The following KIFC3 variants were observed in gnomAD, a reference collection of about 807,000 sequenced individuals.
KIFC3 encodes the protein kinesin-like protein KIFC3.
Under a neutral mutation model 101.8 loss-of-function variants are expected in KIFC3, and 60 were observed. The ratio of observed to expected loss-of-function variants is 0.59; its 90% confidence interval spans 0.48 to 0.73. The LOEUF (loss-of-function observed/expected upper bound fraction) is 0.73, where lower values mean the gene tolerates loss of function less well. Among genes scored for constraint, KIFC3 ranks in the 30% least tolerant of loss-of-function variants. The pLI is 0.00. For synonymous variants in KIFC3, 476 were observed against 482.7 expected (o/e 0.99, Z 0.18); for missense variants, 966 against 1,137.1 (o/e 0.85, Z 2.16).
chr16:57,802,694 T>A, upstream of KIFC3: 1 of 847,342 alleles, frequency 1.2e-6, no homozygotes, highest in South Asian at 1.8e-5. The surrounding 1 kb of genome is among the most constrained non-coding windows in gnomAD (Gnocchi z 5.0). Flanking sequence ...TCCCACTCGG[T>A]CTCTCCCGCC....
At chr16:57,832,415 C>T (rs1171794354) in intron 1 of KIFC3, among the ~76,000 whole-genome samples, 1 of 149,566 alleles carries the variant, frequency 6.7e-6, no homozygotes, top group Admixed American at 6.7e-5. Context: ...TCTCTACCTC[C>T]CAGGTTCAAG....
intron 3 of KIFC3, among the ~76,000 whole-genome samples, chr16:57,791,948 G>A (rs1377169755): frequency 3.9e-5 from 6 of 152,172 alleles, no homozygotes; most frequent in Non-Finnish European, 7.3e-5. Context: ...CGAAACACAA[G>A]ACTGTCCCTG....
In KIFC3 at chr16:57,818,014, C is replaced by CT. The variant is rs112869689; in HGVS notation, c.109-19733dup. Among the ~76,000 whole-genome samples the CT allele has an allele frequency of 3.8e-3, 554 of 147,466 alleles. 2 individuals are homozygous for CT. The highest frequency in any genetic ancestry group is 6.7e-3 in the African/African-American group (272 of 40,722). On this transcript the variant is annotated intron_variant, in intron 1 of 2. Transcript: ENST00000563028. ...GGCCATTGTCACATTTTCTTTCTTT[C>CT]TTTTTTTTTTTTTTTGTTCTTTTCT... is the stretch of plus-strand genomic sequence containing the variant.
intron 1 of KIFC3, among the ~76,000 whole-genome samples, chr16:57,823,113 C>T (rs748938569): frequency 2.0e-4 from 30 of 152,172 alleles, no homozygotes; most frequent in Non-Finnish European, 4.0e-4. Context: ...GCATTAACAT[C>T]AACACAGACC....
At chr16:57,811,296 T>C (rs2055067000) in intron 1 of KIFC3, among the ~76,000 whole-genome samples, 1 of 152,256 alleles carries the variant, frequency 6.6e-6, no homozygotes, top group Non-Finnish European at 1.5e-5. Flanking sequence ...TGTACAACTC[T>C]GTAAATATAC....
chr16:57,818,734 C>T (rs782774931), intron 1 of KIFC3, among the ~76,000 whole-genome samples: 7 of 152,162 alleles, frequency 4.6e-5, no homozygotes, highest in Non-Finnish European at 8.8e-5. Context: ...CTCGTGGGAA[C>T]GTTCCAAGGC....
At chr16:57,764,854 A>C (rs1555601279) in intron 11 of KIFC3, among the ~76,000 whole-genome samples, 3 of 42,348 alleles carry the variant, frequency 7.1e-5, no homozygotes, top group South Asian at 1.4e-3. Flanking sequence ...TGATGGTGGG[A>C]GGGGCCTGAA....
intron 1 of KIFC3, chr16:57,816,218 A>C: frequency 1.6e-6 from 2 of 1,287,450 alleles, no homozygotes; most frequent in Non-Finnish European, 1.0e-6. Flanking sequence ...CCCCATTCAC[A>C]GGTGAGAAAA....
intron 3 of KIFC3, among the ~76,000 whole-genome samples, chr16:57,773,309 C>T (rs1327311435): frequency 3.3e-5 from 5 of 152,174 alleles, no homozygotes; most frequent in Non-Finnish European, 5.9e-5. Context: ...AGGGGACAGC[C>T]AGGTAAGGCA....
chr16:57,775,201 A>G, intron 3 of KIFC3: 2 of 1,339,378 alleles, frequency 1.5e-6, no homozygotes, highest in Non-Finnish European at 1.9e-6. Flanking sequence ...CCGCAACCGC[A>G]ACCAGGGCAG....
intron 1 of KIFC3, among the ~76,000 whole-genome samples, chr16:57,826,475 G>A (rs1555630811): frequency 2.0e-5 from 3 of 152,054 alleles, no homozygotes; most frequent in Non-Finnish European, 4.4e-5. Context: ...GTTTTTAAAT[G>A]TTTAAATTTA....
chr16:57,796,092 C>T (rs2054298392), intron 2 of KIFC3, among the ~76,000 whole-genome samples: 1 of 151,972 alleles, frequency 6.6e-6, no homozygotes, highest in African/African-American at 2.4e-5. Context: ...AGAGTTTCAC[C>T]ATGTTGGCCA....
At chr16:57,779,841 A>C (rs10775338) in intron 3 of KIFC3, 1 of 152,098 alleles carries the variant, frequency 6.6e-6, no homozygotes, top group African/African-American at 2.4e-5. Flanking sequence ...AAATAAATAA[A>C]TAGATAGATA....
At chr16:57,765,892 G>A in intron 10 of KIFC3, 1 of 444,274 alleles carries the variant, frequency 2.3e-6, no homozygotes, top group Non-Finnish European at 4.0e-6. Context: ...GGGAGGAAAG[G>A]TCAGTTGTGG....
At chr16:57,762,105 CCT>C (rs782362294) in intron 13 of KIFC3, 33 bp downstream of exon 13, 37 of 1,550,858 alleles carry the variant, frequency 2.4e-5, no homozygotes, top group Middle Eastern at 3.9e-4. Context: ...CAAAGCTGCC[CCT>C]GAGGCCTGCT....
Position 57,764,167 on chromosome 16 carries a change from G to T in KIFC3, c.1593C>A (p.Gly531=). Residue 531 remains glycine (G), a synonymous_variant, in exon 12 of 20, where the codon GGC becomes GGA. Coordinates refer to ENST00000445690, the MANE Select transcript of KIFC3 (RefSeq NM_001130100.2). The part of the protein sequence containing the change: ...NVCIFAYGQT[G]AGKTYTMEGT... ...CCTCCATCGTGTACGTCTTGCCGGC[G>T]CCCGTCTGGCCGTACGCAAAGATGC... 6.2e-7 allele frequency: 1 copy of T among 1,609,286 alleles called. No individual in the cohort carries two copies. The highest frequency in any genetic ancestry group is 8.5e-7 in the Non-Finnish European group (1 of 1,177,670).
At chr16:57,775,875 G>A (rs782468523) in intron 3 of KIFC3, 12 of 985,388 alleles carry the variant, frequency 1.2e-5, no homozygotes, top group Non-Finnish European at 1.4e-5. Context: ...CACTCCTCCC[G>A]GGCCCAGGCT....
At chr16:57,800,043 G>C (rs1316113017) in intron 1 of KIFC3, among the ~76,000 whole-genome samples, 6 of 152,062 alleles carry the variant, frequency 3.9e-5, no homozygotes, top group Non-Finnish European at 8.8e-5. Flanking sequence ...GTGGTGTCTA[G>C]AATAGGGGGA....
chr16:57,803,239 A>T, upstream of KIFC3: 1 of 705,096 alleles, frequency 1.4e-6, no homozygotes, highest in Admixed American at 2.0e-5. Flanking sequence ...TGGGGCACCT[A>T]GAGCCTCAGA....
Sources: gnomAD v4.1 joint callset for allele counts (sites outside exome capture counted in the v4.1 genomes callset) on GRCh38, gnomAD v4.1.1 for gene constraint, Gnocchi (gnomAD v3.1) non-coding constraint, MANE v1.5 for transcripts, NCBI Gene and HGNC (gene_info 2026-07-23, HGNC 2026-07-21) for gene names.